HSH2D: variants seen among roughly 807,000 people sequenced by gnomAD.
The protein encoded by HSH2D is hematopoietic SH2 domain containing.
In HSH2D, 16 loss-of-function variants were observed where a neutral mutation model predicts 21.5. That is an observed-to-expected ratio of 0.74 (90% confidence interval 0.50 to 1.13). The LOEUF is 1.13. Ranked by LOEUF, HSH2D falls within the 50% of genes most tolerant of loss-of-function variation. The pLI, the probability that HSH2D is intolerant of heterozygous loss-of-function variation, is 0.00. For synonymous variants in HSH2D, 172 were observed against 184.7 expected (o/e 0.93, Z 0.56); for missense variants, 418 against 441.4 (o/e 0.95, Z 0.47).
chr19:16,146,484 T>A (rs1407617278), intron 1 of HSH2D, among the ~76,000 whole-genome samples: 3 of 152,120 alleles, frequency 2.0e-5, no homozygotes, highest in Non-Finnish European at 4.4e-5. Flanking sequence ...AAAGCCAGAC[T>A]GGACAACAGA....
chr19:16,137,266 G>A (rs2090969959), intron 1 of HSH2D, among the ~76,000 whole-genome samples: 1 of 152,138 alleles, frequency 6.6e-6, no homozygotes, highest in African/African-American at 2.4e-5. Flanking sequence ...CACAGAGACA[G>A]AATAGGCTGA....
intron 4 of HSH2D, among the ~76,000 whole-genome samples, chr19:16,153,823 C>A (rs984081502): frequency 1.5e-5 from 2 of 131,442 alleles, no homozygotes; most frequent in African/African-American, 5.8e-5. Flanking sequence ...GGGGTTATCT[C>A]TCCTTAGAAG....
chr19:16,150,951 G>A (rs934842369), intron 2 of HSH2D, among the ~76,000 whole-genome samples: 6 of 152,202 alleles, frequency 3.9e-5, no homozygotes, highest in African/African-American at 1.4e-4. Context: ...GTATTGAACA[G>A]TGCAGGACCA....
At chr19:16,145,527 C>G (rs547980403) in intron 1 of HSH2D, among the ~76,000 whole-genome samples, 3 of 152,136 alleles carry the variant, frequency 2.0e-5, no homozygotes, top group Non-Finnish European at 4.4e-5. Flanking sequence ...ATTCCAGGCT[C>G]TTAATCATTT....
chr19:16,134,431 G>T (rs187707721), intron 1 of HSH2D, among the ~76,000 whole-genome samples: 1 of 152,146 alleles, frequency 6.6e-6, no homozygotes. Flanking sequence ...TTTAATATCC[G>T]TAGGGAACTT....
rs1599418202 is a variant in HSH2D, at chr19:16,148,985, G to T, written c.125+110G>T. The T allele has an allele frequency of 6.6e-6, 8 of 1,214,486 alleles. No homozygotes were observed. In the East Asian group the frequency reaches 2.0e-4, roughly 30 times the overall value. The allele number at this position is 1,214,486 out of a possible 1,614,324, so 75.2% of individuals were successfully genotyped here. A position where few individuals can be genotyped will look rare whatever the true frequency, so the allele number is the denominator to read the frequency against. ...TTCTGGACTTGGCTCAGCTCAGTGTGGCAAGAGGCTAAAATGAGCTCCAGG... is the reference window on the plus strand; with the variant it reads ...TTCTGGACTTGGCTCAGCTCAGTGTTGCAAGAGGCTAAAATGAGCTCCAGG... On this transcript the variant is annotated intron_variant, in intron 2 of 5. Transcript: ENST00000613986.
At position 16,158,082 on chromosome 19, in the gene HSH2D, A is replaced by T. The variant is rs2145068537; in HGVS notation, c.*288A>T. On this transcript the variant is annotated 3_prime_UTR_variant, in exon 6 of 6. Transcript: ENST00000613986. ...TTTTACGCCTCAGAGCAAGGCCCTC[A>T]GGGAGGGTCATCCTCCATGTTTTGA... 3.1e-6 allele frequency: 1 copy of T among 326,390 alleles called. No individual in the cohort carries two copies. The highest frequency in any genetic ancestry group is 7.5e-5 in the South Asian group (1 of 13,246). 20.2% of individuals were successfully genotyped at this position (326,390 alleles called of 1,614,324 possible). A position where few individuals can be genotyped will look rare whatever the true frequency, so the allele number is the denominator to read the frequency against.
intron 4 of HSH2D, among the ~76,000 whole-genome samples, chr19:16,154,154 T>C: frequency 6.6e-6 from 1 of 151,566 alleles, no homozygotes; most frequent in Non-Finnish European, 1.5e-5. Context: ...GCTCAGTGGG[T>C]GTGGCCTAGC....
Position 16,157,493 on chromosome 19 carries a change from A to G in HSH2D, c.758A>G (p.Asp253Gly). The G allele has an allele frequency of 6.2e-7, 1 of 1,613,934 alleles. No individual in the cohort carries two copies. The highest frequency in any genetic ancestry group is 8.5e-7 in the Non-Finnish European group (1 of 1,179,872). ...SGPGTGKGSQ[D>G]HSGDPTSGDR... The stretch of plus-strand genomic sequence containing the variant: ...CCTGGGACCGGAAAAGGCAGCCAAG[A>G]TCACTCAGGGGATCCCACCTCGGGG... The change falls in exon 6 of 6, where the codon GAT becomes GGT. Residue 253 changes from aspartate to glycine, a missense_variant. Coordinates refer to ENST00000613986, the MANE Select transcript of HSH2D (RefSeq NM_001382417.1). This position sits in a 1 kb window ranked among gnomAD's most constrained non-coding sequence, Gnocchi z 4.4.
At chr19:16,152,756 T>C (rs1161066848) in intron 3 of HSH2D, 115 bp downstream of exon 3, 2 of 849,088 alleles carry the variant, frequency 2.4e-6, no homozygotes, top group East Asian at 2.6e-5. Flanking sequence ...ACTGAGGCTG[T>C]GGATCTGAGA....
At chr19:16,152,439 A>G (rs995380538) in intron 2 of HSH2D, 113 bp from the exon 3 acceptor site, 46 of 585,146 alleles carry the variant, frequency 7.9e-5, no homozygotes, top group Non-Finnish European at 1.2e-4. Context: ...AAAGGAAAAA[A>G]GAAAAATGAA....
chr19:16,157,696 G>A lies in HSH2D; in HGVS notation c.961G>A (p.Glu321Lys), dbSNP rs369533686. 6 of 1,613,312 alleles carry A rather than the reference G, an allele frequency of 3.7e-6. No individual in the cohort carries two copies. The highest frequency in any genetic ancestry group is 4.2e-6 in the Non-Finnish European group (5 of 1,179,664). The change falls in exon 6 of 6, where the codon GAG (glutamate) becomes AAG (lysine). Residue 321 changes from glutamate (E) to lysine (K), a missense_variant. By Grantham distance (56) the Glu-to-Lys change is moderately conservative (BLOSUM62 1). Coordinates refer to ENST00000613986, the MANE Select transcript of HSH2D (RefSeq NM_001382417.1). This position sits in a 1 kb window ranked among gnomAD's most constrained non-coding sequence, Gnocchi z 4.4. ...QMVVRALSSQ[E>K]SKPEHQGLAE... Reference sequence around the variant, plus strand: ...GGTAGTGAGAGCCCTATCCTCCCAGGAGTCCAAGCCAGAGCACCAGGGCTT... The same window carrying A: ...GGTAGTGAGAGCCCTATCCTCCCAGAAGTCCAAGCCAGAGCACCAGGGCTT...
At chr19:16,142,860 C>T (rs569167623), upstream of HSH2D, among the ~76,000 whole-genome samples, 7 of 152,250 alleles carry the variant, frequency 4.6e-5, no homozygotes, top group East Asian at 1.2e-3. Context: ...GCAGCCTCTG[C>T]GTCCCTGGTC....
intron 1 of HSH2D, among the ~76,000 whole-genome samples, chr19:16,147,709 A>T (rs2091092496): frequency 6.6e-6 from 1 of 150,574 alleles, no homozygotes; most frequent in Non-Finnish European, 1.5e-5. Context: ...GCAGTGGTGC[A>T]ATCTCGGCTC....
Position 16,152,628 on chromosome 19 carries a change from A to G in HSH2D, c.202A>G (p.Thr68Ala), listed in dbSNP as rs368687301. The stretch of plus-strand genomic sequence containing the variant: ...GGTCAGTCACAGCCATGTGGGCTAC[A>G]CACTCTCCTACAAGTAAGGCCTGGG... ...IRVSHSHVGY[T>A]LSYKAQSSCC... is the part of the protein sequence containing the mutation. The change falls in exon 3 of 6, where the codon ACA (threonine) becomes GCA (alanine). Residue 68 changes from threonine to alanine, a missense_variant. By Grantham distance (58) the Thr-to-Ala change is moderately conservative (BLOSUM62 0). Transcript: ENST00000613986. 25 of 1,533,700 alleles carry G rather than the reference A, an allele frequency of 1.6e-5. No individual in the cohort carries two copies. The highest frequency in any genetic ancestry group is 3.9e-5 in the South Asian group (3 of 76,518).
chr19:16,145,041 T>C (rs964637863), intron 1 of HSH2D, among the ~76,000 whole-genome samples: 1 of 144,276 alleles, frequency 6.9e-6, no homozygotes, highest in East Asian at 2.0e-4. Context: ...TTTGGGGTTT[T>C]TTTTTTTTTT....
In HSH2D at chr19:16,153,088, T is replaced by C; in HGVS notation, c.261T>C (p.Asp87=). The change falls in exon 4 of 6, where the codon GAT becomes GAC. Residue 87 remains aspartate (D), a synonymous_variant. Coordinates refer to ENST00000613986, the MANE Select transcript of HSH2D (RefSeq NM_001382417.1). ...CCHFMVKLLD[D]GTFMIPGEKV... is the part of the protein sequence containing the mutation. ...ATTTCATGGTGAAGCTCTTGGATGA[T>C]GGGACTTTCATGATCCCCGGGGAGA... The C allele has an allele frequency of 6.2e-7, 1 of 1,610,850 alleles. No individual in the cohort carries two copies. The highest frequency in any genetic ancestry group is 1.1e-5 in the South Asian group (1 of 90,346).
chr19:16,153,141 T>C lies in HSH2D; in HGVS notation c.314T>C (p.Leu105Pro). ...GTGGCCCACACCTCGCTGGACGCCC[T>C]GGTCACCTTCCACCAGCAGAAGCCA... ...EKVAHTSLDA[L>P]VTFHQQKPIE... The change falls in exon 4 of 6, where the codon CTG becomes CCG. Residue 105 changes from leucine (L) to proline (P), a missense_variant. By Grantham distance (98) the Leu-to-Pro change is moderately conservative (BLOSUM62 -3). Coordinates refer to ENST00000613986, the MANE Select transcript of HSH2D (RefSeq NM_001382417.1). The C allele has an allele frequency of 2.5e-6, 4 of 1,588,752 alleles. No homozygotes were observed. The highest frequency in any genetic ancestry group is 3.4e-6 in the Non-Finnish European group (4 of 1,168,504).
At chr19:16,147,278 A>C (rs1490674086) in intron 1 of HSH2D, among the ~76,000 whole-genome samples, 1 of 151,878 alleles carries the variant, frequency 6.6e-6, no homozygotes, top group Admixed American at 6.6e-5. Context: ...TGAGTCCAGG[A>C]GTTTGAGACC....
Sources: allele counts gnomAD v4.1 joint callset (sites outside exome capture counted in the v4.1 genomes callset), GRCh38; gene constraint gnomAD v4.1.1; non-coding constraint Gnocchi (gnomAD v3.1); transcripts MANE v1.5; gene names NCBI Gene and HGNC (gene_info 2026-07-23, HGNC 2026-07-21).